TLN2: variants seen among roughly 807,000 people sequenced by gnomAD.
TLN2 encodes the protein talin 2.
Under a neutral mutation model 294.7 loss-of-function variants are expected in TLN2, and 118 were observed. That is an observed-to-expected ratio of 0.40 (90% CI 0.34 to 0.47). The LOEUF is 0.47. Ranked by LOEUF, TLN2 falls within the 20% of genes least tolerant of loss-of-function variation. The probability of loss-of-function intolerance (pLI) is 0.84; values close to 1 mark genes in which losing one functional copy is unlikely to be tolerated. For missense variants in TLN2, 3,083 were observed against 3,282.2 expected, an observed-to-expected ratio of 0.94 and a Z score of 1.48; for synonymous variants, 1,431 against 1,304.5, an observed-to-expected ratio of 1.10 and a Z score of -2.09.
In TLN2 at chr15:62,809,020, G is replaced by A. The variant is rs149910745; in HGVS notation, c.6664-905G>A. Among the ~76,000 whole-genome samples, 558 of 152,274 alleles carry A rather than the reference G, an allele frequency of 3.7e-3. 8 individuals carry two copies. Among genetic ancestry groups the A allele is most frequent in the African/African-American group, 0.012 (511 of 41,548 alleles). ...CCTTTTATCCCAATGTGTGATTTGT[G>A]TTTGTCCTGATTAGCAGTGTATTTG... On this transcript the variant is annotated intron_variant, in intron 51 of 58. Coordinates refer to ENST00000636159, the MANE Select transcript of TLN2 (RefSeq NM_015059.3).
chr15:62,410,681 A>G (rs1461706271), intron 1 of TLN2, among the ~76,000 whole-genome samples: 3 of 152,206 alleles, frequency 2.0e-5, no homozygotes, highest in Non-Finnish European at 4.4e-5. Context: ...GCAGCCTCTT[A>G]TCCATTACTC....
chr15:62,582,896 AT>A (rs1170325245), intron 1 of TLN2, among the ~76,000 whole-genome samples: 1 of 152,218 alleles, frequency 6.6e-6, no homozygotes, highest in African/African-American at 2.4e-5. Flanking sequence ...AACCCTGGCC[AT>A]TAACTGCTTT....
chr15:62,724,985 G>T lies in TLN2; in HGVS notation c.3136G>T (p.Ala1046Ser), dbSNP rs776541173. The T allele has an allele frequency of 6.2e-7, 1 of 1,611,722 alleles. No homozygotes were observed. The highest frequency in any genetic ancestry group is 8.5e-7 in the Non-Finnish European group (1 of 1,178,764). ...CCAACTCTGTTGGCAGGCCCATGAA[G>T]CTTGTGGTCCGATGGAAATCGATTC... Reference protein sequence around the residue: ...LRTASQKAHEACGPMEIDSAL... With the variant: ...LRTASQKAHESCGPMEIDSAL... The change falls in exon 27 of 59, where the codon GCT (alanine) becomes TCT (serine). Residue 1046 changes from alanine (A) to serine (S), a missense_variant. Ala to Ser is a moderately conservative substitution (Grantham distance 99). Coordinates refer to ENST00000636159, the MANE Select transcript of TLN2 (RefSeq NM_015059.3).
At chr15:62,627,019 A>C (rs888389403) in intron 3 of TLN2, among the ~76,000 whole-genome samples, 23 of 152,210 alleles carry the variant, frequency 1.5e-4, no homozygotes, top group African/African-American at 4.8e-4. Context: ...AGGATTGTGG[A>C]TATATTGCTG....
chr15:62,428,384 C>T (rs1057130810), intron 1 of TLN2, among the ~76,000 whole-genome samples: 18 of 152,222 alleles, frequency 1.2e-4, no homozygotes, highest in Admixed American at 7.2e-4. Flanking sequence ...ACAGACATTT[C>T]CTTCTTTACT....
chr15:62,739,096 G>T (rs776633183), intron 30 of TLN2, among the ~76,000 whole-genome samples: 10 of 152,182 alleles, frequency 6.6e-5, no homozygotes, highest in Non-Finnish European at 1.3e-4. Flanking sequence ...TTGAGCCCCT[G>T]TAGATAGCTT....
At chr15:62,481,899 C>T (rs940412838) in intron 1 of TLN2, among the ~76,000 whole-genome samples, 5 of 149,212 alleles carry the variant, frequency 3.4e-5, no homozygotes, top group African/African-American at 9.9e-5. Flanking sequence ...TGGGTTCAGG[C>T]GATTCTCCTG....
chr15:62,491,336 AAAT>A (rs1425498298), intron 1 of TLN2, among the ~76,000 whole-genome samples: 5 of 95,814 alleles, frequency 5.2e-5, no homozygotes, highest in Non-Finnish European at 8.6e-5. Context: ...CAAAAAAAAA[AAAT>A]ATATATATAT....
intron 1 of TLN2, among the ~76,000 whole-genome samples, chr15:62,404,434 C>A (rs1432153793): frequency 4.6e-5 from 7 of 152,160 alleles, no homozygotes; most frequent in African/African-American, 1.7e-4. Context: ...GAGTCCACTT[C>A]TTCACAGGGG....
Position 62,840,751 on chromosome 15 carries a change from C to A in TLN2, c.*141C>A. 2.5e-6 allele frequency: 3 copies of A among 1,195,692 alleles called. No individual in the cohort carries two copies. The highest frequency in any genetic ancestry group is 3.4e-6 in the Non-Finnish European group (3 of 874,652). The allele number at this position is 1,195,692 out of a possible 1,614,324, so 74.1% of individuals were successfully genotyped here. ...CTGGAGCCCTGCGTGCTTGTTCTCA[C>A]ATCTCTGTCCCGTCGGCACTGGCTG... is the stretch of plus-strand genomic sequence containing the variant. On this transcript the variant is annotated 3_prime_UTR_variant, in exon 59 of 59. Coordinates refer to ENST00000636159, the MANE Select transcript of TLN2 (RefSeq NM_015059.3).
At position 62,729,669 on chromosome 15, in the gene TLN2, G is replaced by A. The variant is rs1043934937; in HGVS notation, c.3358+2480G>A. On this transcript the variant is annotated intron_variant, in intron 28 of 58. Transcript: ENST00000636159. ...CCTCTGAGTTTGTCATTGTTCTTTGGGGAGGGCAGAGAGTATTTGGTGGTG... is the reference window on the plus strand; with the variant it reads ...CCTCTGAGTTTGTCATTGTTCTTTGAGGAGGGCAGAGAGTATTTGGTGGTG... Among the ~76,000 whole-genome samples the A allele has an allele frequency of 2.0e-5, 3 of 152,104 alleles. 1 individual carries two copies.
At chr15:62,543,895 G>A (rs2041844551) in intron 1 of TLN2, among the ~76,000 whole-genome samples, 1 of 152,176 alleles carries the variant, frequency 6.6e-6, no homozygotes, top group Non-Finnish European at 1.5e-5. Context: ...AGCTGTGAGA[G>A]CATCTCCAGG....
chr15:62,437,748 T>TG (rs56340210), intron 1 of TLN2, among the ~76,000 whole-genome samples: 2 of 125,124 alleles, frequency 1.6e-5, no homozygotes, highest in African/African-American at 5.4e-5. Context: ...AAAAACACCA[T>TG]GGGGGTGTGT....
intron 1 of TLN2, among the ~76,000 whole-genome samples, chr15:62,439,778 G>C (rs1204734052): frequency 6.6e-6 from 1 of 152,144 alleles, no homozygotes; most frequent in Non-Finnish European, 1.5e-5. Context: ...TGTCCTTTGT[G>C]AACATTGAGA....
At chr15:62,404,929 G>A (rs1283355322) in intron 1 of TLN2, among the ~76,000 whole-genome samples, 2 of 152,194 alleles carry the variant, frequency 1.3e-5, no homozygotes, top group Non-Finnish European at 2.9e-5. Context: ...AAGACAGGAC[G>A]TTTAGTACAC....
In TLN2 at chr15:62,805,751, GGAAA is replaced by G; in HGVS notation, c.6631_6634del (p.Lys2211ProfsTer6). On this transcript the variant is annotated frameshift_variant, in exon 51 of 59. Transcript: ENST00000636159. LOFTEE classifies it high-confidence loss of function. ...GTGATTGCTACTGCCAACCTGAGCC[GGAAA>G]GCCGTGTCAGATATGTTGACGGCTT... 1 of 1,614,002 alleles carries G rather than the reference GGAAA, an allele frequency of 6.2e-7. No homozygotes were observed. The highest frequency in any genetic ancestry group is 8.5e-7 in the Non-Finnish European group (1 of 1,179,916).
At chr15:62,395,814 G>C (rs953974298) in intron 1 of TLN2, among the ~76,000 whole-genome samples, 2 of 152,002 alleles carry the variant, frequency 1.3e-5, no homozygotes, top group Non-Finnish European at 2.9e-5. Context: ...TATGTATGTT[G>C]CATGACCGTA....
intron 1 of TLN2, among the ~76,000 whole-genome samples, chr15:62,495,527 C>T (rs942696849): frequency 1.3e-5 from 2 of 152,196 alleles, no homozygotes; most frequent in African/African-American, 4.8e-5. Flanking sequence ...CTAGACATGC[C>T]ATAAGCAAGG....
At position 62,443,725 on chromosome 15, in the gene TLN2, G is replaced by T. The variant is rs73426608; in HGVS notation, c.-238+53040G>T. On this transcript the variant is annotated intron_variant, in intron 1 of 58. Coordinates refer to ENST00000636159, the MANE Select transcript of TLN2 (RefSeq NM_015059.3). ...GTGTATAAAATGGGAGTCTGAGCCAGATGCAGTGGTTCATGCTTATAATCC... is the reference window on the plus strand; with the variant it reads ...GTGTATAAAATGGGAGTCTGAGCCATATGCAGTGGTTCATGCTTATAATCC... 5.9e-3 allele frequency among the ~76,000 whole-genome samples: 900 copies of T among 152,328 alleles called. 12 individuals carry two copies. The highest frequency in any genetic ancestry group is 0.02 in the African/African-American group (846 of 41,574).
Sources: gnomAD v4.1 joint callset for allele counts (sites outside exome capture counted in the v4.1 genomes callset) on GRCh38, gnomAD v4.1.1 for gene constraint, MANE v1.5 for transcripts, NCBI Gene and HGNC (gene_info 2026-07-23, HGNC 2026-07-21) for gene names.